Variants in ADORA2B observed in about 807,000 individuals in gnomAD.
ADORA2B encodes adenosine A2b receptor.
In ADORA2B, 18 loss-of-function variants were observed where a neutral mutation model predicts 20.8. That is an observed-to-expected ratio of 0.87 (90% confidence interval 0.60 to 1.29). ADORA2B has a LOEUF of 1.29. Among genes scored for constraint, ADORA2B ranks in the 50% most tolerant of loss-of-function variants. The pLI is 0.00. For synonymous variants in ADORA2B, 179 were observed against 178.3 expected (o/e 1.00, Z -0.03); for missense variants, 441 against 422.7 (o/e 1.04, Z -0.38).
At chr17:15,903,902 T>C in the ADORA2B span, among the ~76,000 whole-genome samples, 2 of 152,148 alleles carry the variant, frequency 1.3e-5, no homozygotes, top group Non-Finnish European at 2.9e-5. Context: ...ACGTAGAACC[T>C]CTTTTCATAG....
At chr17:15,879,368 G>A in the ADORA2B span, among the ~76,000 whole-genome samples, 1 of 151,930 alleles carries the variant, frequency 6.6e-6, no homozygotes, top group Non-Finnish European at 1.5e-5. Context: ...TGGGAGGATT[G>A]CTTGAGCCCA....
rs898189139 is a variant in ADORA2B, at chr17:15,975,569, A to G, written c.*227A>G. The G allele has an allele frequency of 1.1e-5, 6 of 548,064 alleles. No homozygotes were observed. The highest frequency in any genetic ancestry group is 7.5e-5 in the African/African-American group (4 of 53,080). 34.0% of individuals were successfully genotyped at this position (548,064 alleles called of 1,614,324 possible). A position where few individuals can be genotyped will look rare whatever the true frequency, so the allele number is the denominator to read the frequency against. Reference sequence around the variant, plus strand: ...CTATTCAGCTGCTTTTACTGTGTGGATTATGCCAACAGCTTGAATGGATTC... The same window carrying G: ...CTATTCAGCTGCTTTTACTGTGTGGGTTATGCCAACAGCTTGAATGGATTC... On this transcript the variant is annotated 3_prime_UTR_variant, in exon 2 of 2. Transcript: ENST00000304222.
chr17:15,931,057 C>T, the ADORA2B span, among the ~76,000 whole-genome samples: 1 of 152,218 alleles, frequency 6.6e-6, no homozygotes, highest in Non-Finnish European at 1.5e-5. Flanking sequence ...TGGCTCATGC[C>T]TGTAGTCCCA....
rs201327984 is a variant in ADORA2B, at chr17:15,974,900, A to G, written c.557A>G (p.Asn186Ser). The stretch of plus-strand genomic sequence containing the variant: ...CCCATGAGCTACATGGTATATTTCA[A>G]TTTCTTTGGGTGTGTTCTGCCCCCA... ...VVPMSYMVYF[N>S]FFGCVLPPLL... Residue 186 changes from asparagine to serine, a missense_variant, in exon 2 of 2, where the codon AAT becomes AGT. Transcript: ENST00000304222. 1.9e-5 allele frequency: 30 copies of G among 1,613,926 alleles called. No homozygotes were observed. Among genetic ancestry groups the G allele is most frequent in the South Asian group, 1.1e-4 (10 of 91,078 alleles).
the ADORA2B span, among the ~76,000 whole-genome samples, chr17:15,869,336 A>ATT: frequency 1.4e-5 from 2 of 147,708 alleles, no homozygotes; most frequent in African/African-American, 5.0e-5. Context: ...TAATAATAAT[A>ATT]ATAATTATTA....
At chr17:15,912,627 G>A in the ADORA2B span, among the ~76,000 whole-genome samples, 9 of 152,304 alleles carry the variant, frequency 5.9e-5, no homozygotes, top group African/African-American at 9.6e-5. Context: ...GAGATACCAC[G>A]TCTCGTTTGC....
the ADORA2B span, among the ~76,000 whole-genome samples, chr17:15,882,277 C>A: frequency 6.6e-6 from 1 of 152,110 alleles, no homozygotes; most frequent in African/African-American, 2.4e-5. Context: ...CTGAGAGGAG[C>A]ATCTAGGAAG....
chr17:15,906,121 A>G, the ADORA2B span, among the ~76,000 whole-genome samples: 2 of 152,118 alleles, frequency 1.3e-5, no homozygotes, highest in African/African-American at 2.4e-5. Flanking sequence ...GCCTTTTTGC[A>G]CTAGCTAGAA....
At chr17:15,960,334 C>T (rs1268532344) in intron 1 of ADORA2B, among the ~76,000 whole-genome samples, 1 of 17,216 alleles carries the variant, frequency 5.8e-5, no homozygotes, top group African/African-American at 7.6e-5. Flanking sequence ...GCGGGCGGAT[C>T]ACGAGGTCAG....
intron 1 of ADORA2B, among the ~76,000 whole-genome samples, chr17:15,958,914 C>T (rs1970003110): frequency 6.6e-6 from 1 of 152,234 alleles, no homozygotes; most frequent in Admixed American, 6.5e-5. Context: ...TCATTATCCC[C>T]TGTGTGTTGT....
At chr17:15,974,521 C>T (rs1970223534) in intron 1 of ADORA2B, 158 bp from the exon 2 acceptor site, 2 of 612,390 alleles carry the variant, frequency 3.3e-6, no homozygotes. Context: ...CTCATCCCTG[C>T]TTGCATGTCT....
intron 1 of ADORA2B, among the ~76,000 whole-genome samples, chr17:15,954,247 G>GCAAC (rs1969941083): frequency 6.6e-6 from 1 of 152,124 alleles, no homozygotes; most frequent in South Asian, 2.1e-4. Flanking sequence ...CCAAAGTGTT[G>GCAAC]GGATTACAGG....
At chr17:15,853,180 A>G in the ADORA2B span, among the ~76,000 whole-genome samples, 2 of 152,118 alleles carry the variant, frequency 1.3e-5, no homozygotes, top group Non-Finnish European at 2.9e-5. Context: ...TTCTCAACAA[A>G]AATGATGGAA....
chr17:15,870,995 C>T, the ADORA2B span, among the ~76,000 whole-genome samples: 1 of 152,166 alleles, frequency 6.6e-6, no homozygotes, highest in Non-Finnish European at 1.5e-5. Context: ...AGGCATTGTG[C>T]TACAACCTAA....
At chr17:15,947,792 C>T (rs944888959) in intron 1 of ADORA2B, among the ~76,000 whole-genome samples, 3 of 152,236 alleles carry the variant, frequency 2.0e-5, no homozygotes, top group Non-Finnish European at 4.4e-5. Flanking sequence ...ATACAGATTA[C>T]AGGGCCTCAC....
At chr17:15,938,033 C>G in the ADORA2B span, among the ~76,000 whole-genome samples, 3 of 152,170 alleles carry the variant, frequency 2.0e-5, no homozygotes, top group Non-Finnish European at 2.9e-5. Flanking sequence ...CACTTTTCCA[C>G]GCCTCCATTT....
At chr17:15,877,608 C>T in the ADORA2B span, among the ~76,000 whole-genome samples, 8 of 152,192 alleles carry the variant, frequency 5.3e-5, no homozygotes, top group Middle Eastern at 3.4e-3. Flanking sequence ...TCAGCCCTCA[C>T]CTTGTAAATT....
the ADORA2B span, among the ~76,000 whole-genome samples, chr17:15,911,308 A>G: frequency 4.6e-5 from 7 of 152,330 alleles, no homozygotes; most frequent in African/African-American, 1.4e-4. Flanking sequence ...TTTGCCTGCT[A>G]TTAAAGTGGG....
the ADORA2B span, among the ~76,000 whole-genome samples, chr17:15,867,529 T>G: frequency 1.4e-5 from 2 of 145,008 alleles, no homozygotes; most frequent in South Asian, 2.2e-4. Context: ...GTCTGGGAAG[T>G]GAGGAGCGTC....
Sources: gnomAD v4.1 joint callset for allele counts (sites outside exome capture counted in the v4.1 genomes callset) on GRCh38, gnomAD v4.1.1 for gene constraint, MANE v1.5 for transcripts, NCBI Gene and HGNC (gene_info 2026-07-23, HGNC 2026-07-21) for gene names.